The following LSS variants were observed in gnomAD, a reference collection of about 807,000 sequenced individuals.
LSS encodes the protein lanosterol synthase, also known as 2,3-epoxysqualene-lanosterol cyclase.
In LSS, 90 loss-of-function variants were observed where a neutral mutation model predicts 110.3. The ratio of observed to expected loss-of-function variants is 0.82; its 90% CI spans 0.69 to 0.97. LSS has a LOEUF of 0.97. Among genes scored for constraint, LSS ranks in the 50% least tolerant of loss-of-function variants. The pLI is 0.00. For synonymous variants in LSS, 433 were observed against 400.0 expected (o/e 1.08, Z -0.98); for missense variants, 927 against 990.0 (o/e 0.94, Z 0.85).
In LSS at chr21:46,209,451, G is replaced by A; in HGVS notation, c.1266+103C>T. On this transcript the variant is annotated intron_variant, in intron 13 of 21. Coordinates refer to ENST00000397728, the MANE Select transcript of LSS (RefSeq NM_002340.6). The surrounding 1 kb of genome is among the most constrained non-coding windows in gnomAD (Gnocchi z 4.4). Reference sequence around the variant, plus strand: ...GGGGTGACCTGAAACACCAGTGCAGGAAATAGGGCAGGGTGGAGGTGAGGT... The same window carrying A: ...GGGGTGACCTGAAACACCAGTGCAGAAAATAGGGCAGGGTGGAGGTGAGGT... 1 of 1,067,396 alleles carries A rather than the reference G, an allele frequency of 9.4e-7. No individual in the cohort carries two copies. Among genetic ancestry groups the A allele is most frequent in the East Asian group, 2.7e-5 (1 of 36,886 alleles). The allele number at this position is 1,067,396 out of a possible 1,614,324, so 66.1% of individuals were successfully genotyped here. A position where few individuals can be genotyped will look rare whatever the true frequency, so the allele number is the denominator to read the frequency against.
chr21:46,217,678 G>A (rs536851423), intron 6 of LSS, among the ~76,000 whole-genome samples: 2 of 152,278 alleles, frequency 1.3e-5, no homozygotes, highest in South Asian at 4.1e-4. Context: ...ACCCTGGCGT[G>A]CCCATGCGGC....
rs576764305 is a variant in LSS, at chr21:46,215,223, A to G, written c.968T>C (p.Ile323Thr). ...CTTGGTGAATCGGTCGTCGGCCACA[A>G]TGTGTTCATACAGCTTCTGCACGGC... is the stretch of plus-strand genomic sequence containing the variant. The part of the protein sequence containing the change: ...QRAVQKLYEH[I>T]VADDRFTKSI... The change falls in exon 9 of 22, where the codon ATT (isoleucine) becomes ACT (threonine). Residue 323 changes from isoleucine (I) to threonine (T), a missense_variant. Coordinates refer to ENST00000397728, the MANE Select transcript of LSS (RefSeq NM_002340.6). 8.7e-6 allele frequency: 14 copies of G among 1,611,286 alleles called. No individual in the cohort carries two copies. In the Admixed American group the frequency reaches 1.3e-4, roughly 15 times the overall value.
chr21:46,212,192 T>C (rs992040032), intron 11 of LSS, among the ~76,000 whole-genome samples: 1 of 152,164 alleles, frequency 6.6e-6, no homozygotes, highest in Admixed American at 6.5e-5. Flanking sequence ...TCTGGGGAGC[T>C]CAAGGCCAGC....
At chr21:46,206,519 C>G (rs1022585311) in intron 16 of LSS, among the ~76,000 whole-genome samples, 153 bp downstream of exon 16, 5 of 152,250 alleles carry the variant, frequency 3.3e-5, no homozygotes, top group African/African-American at 1.2e-4. Context: ...GAGCGCAGAA[C>G]AGCCTGGGCT....
chr21:46,195,597 A>C, intron 19 of LSS, 79 bp downstream of exon 19: 1 of 1,318,550 alleles, frequency 7.6e-7, no homozygotes, highest in Non-Finnish European at 1.1e-6. Context: ...CCCTAAAACC[A>C]AATGTCAAAG....
Position 46,189,581 on chromosome 21 carries a change from G to C in LSS, c.*1523C>G, listed in dbSNP as rs141111301. 1 of 443,370 alleles carries C rather than the reference G, an allele frequency of 2.3e-6. No homozygotes were observed. The highest frequency in any genetic ancestry group is 2.4e-5 in the Admixed American group (1 of 41,552). The allele number at this position is 443,370 out of a possible 1,614,324, so 27.5% of individuals were successfully genotyped here. On this transcript the variant is annotated 3_prime_UTR_variant, in exon 22 of 22. Transcript: ENST00000397728. ...AGACCCCAGAGGGTGCGGCACCTGG[G>C]TGAGAGCCCTGGACTGCACACCAAG...
At chr21:46,201,712 T>C (rs2079979860) in intron 17 of LSS, among the ~76,000 whole-genome samples, 1 of 152,144 alleles carries the variant, frequency 6.6e-6, no homozygotes, top group South Asian at 2.1e-4. Flanking sequence ...TAAGTCTGTC[T>C]AGTAAAATAG....
chr21:46,189,972 C>G lies in LSS; in HGVS notation c.*1132G>C, dbSNP rs1487938678. On this transcript the variant is annotated 3_prime_UTR_variant, in exon 22 of 22. Coordinates refer to ENST00000397728, the MANE Select transcript of LSS (RefSeq NM_002340.6). Reference sequence around the variant, plus strand: ...AAGCCAGACCAGACTGGGTCAGAGGCTAGAAGGGAGCTCACAGGATTGCCT... The same window carrying G: ...AAGCCAGACCAGACTGGGTCAGAGGGTAGAAGGGAGCTCACAGGATTGCCT... The G allele has an allele frequency of 3.2e-6, 1 of 316,128 alleles. No individual in the cohort carries two copies. The highest frequency in any genetic ancestry group is 1.1e-4 in the East Asian group (1 of 9,428). 19.6% of individuals were successfully genotyped at this position (316,128 alleles called of 1,614,324 possible). A position where few individuals can be genotyped will look rare whatever the true frequency, so the allele number is the denominator to read the frequency against.
intron 17 of LSS, among the ~76,000 whole-genome samples, chr21:46,199,691 T>C (rs543522977): frequency 5.3e-5 from 8 of 152,312 alleles, no homozygotes; most frequent in African/African-American, 1.2e-4. Flanking sequence ...TATTGAGCCA[T>C]AGAAAGAGAC....
chr21:46,198,855 TAG>T (rs2079944590), intron 17 of LSS, among the ~76,000 whole-genome samples: 1 of 115,974 alleles, frequency 8.6e-6, no homozygotes, highest in African/African-American at 3.2e-5. Flanking sequence ...AAAAAAAATC[TAG>T]ACACAAACCA....
At chr21:46,210,614 C>T in intron 12 of LSS, 74 bp downstream of exon 12, 1 of 1,409,156 alleles carries the variant, frequency 7.1e-7, no homozygotes, top group Non-Finnish European at 1.0e-6. Context: ...AGCAGTGCTG[C>T]CCTCAGGTGG....
Position 46,209,423 on chromosome 21 carries a change from G to T in LSS, c.1266+131C>A. 1.2e-6 allele frequency: 1 copy of T among 801,340 alleles called. No homozygotes were observed. The highest frequency in any genetic ancestry group is 2.8e-5 in the East Asian group (1 of 35,278). The allele number at this position is 801,340 out of a possible 1,614,324, so 49.6% of individuals were successfully genotyped here. A position where few individuals can be genotyped will look rare whatever the true frequency, so the allele number is the denominator to read the frequency against. ...CAGGGGCTAGGGAGGGGATGGGAGG[G>T]TGGGGGTGACCTGAAACACCAGTGC... On this transcript the variant is annotated intron_variant, in intron 13 of 21. Transcript: ENST00000397728. This position sits in a 1 kb window ranked among gnomAD's most constrained non-coding sequence, Gnocchi z 4.4.
At chr21:46,193,978 G>A (rs1312651029) in intron 20 of LSS, among the ~76,000 whole-genome samples, 1 of 152,164 alleles carries the variant, frequency 6.6e-6, no homozygotes, top group Non-Finnish European at 1.5e-5. Context: ...ATGCGTACGT[G>A]TGTGCATAGG....
intron 11 of LSS, among the ~76,000 whole-genome samples, chr21:46,211,668 G>A (rs1244038812): frequency 6.6e-6 from 1 of 152,164 alleles, no homozygotes; most frequent in Non-Finnish European, 1.5e-5. Context: ...GAGGGACAAG[G>A]CAGGGACCAC....
At position 46,188,769 on chromosome 21, in the gene LSS, G is replaced by C. The variant is rs1027371195; in HGVS notation, c.*2335C>G. ...ATACTGACACTGAAGTCCTGCCTGT[G>C]TAATAACACCGAAGAGGGCAGGGAA... On this transcript the variant is annotated 3_prime_UTR_variant, in exon 22 of 22. Coordinates refer to ENST00000397728, the MANE Select transcript of LSS (RefSeq NM_002340.6). The C allele has an allele frequency of 2.1e-6, 1 of 471,338 alleles. No individual in the cohort carries two copies. The highest frequency in any genetic ancestry group is 2.3e-5 in the Admixed American group (1 of 42,592). 29.2% of individuals were successfully genotyped at this position (471,338 alleles called of 1,614,324 possible).
intron 5 of LSS, chr21:46,221,651 T>G: frequency 1.5e-6 from 1 of 661,348 alleles, no homozygotes; most frequent in Non-Finnish European, 2.5e-6. Flanking sequence ...AGCCACTCAC[T>G]GTGCCTGGCT....
At chr21:46,222,893 G>T (rs894607056) in intron 3 of LSS, among the ~76,000 whole-genome samples, 155 bp from the exon 4 acceptor site, 1 of 152,212 alleles carries the variant, frequency 6.6e-6, no homozygotes, top group African/African-American at 2.4e-5. Flanking sequence ...GCCCCCATGG[G>T]GAACTTTGGG....
At chr21:46,224,489 C>T (rs1031229823) in intron 3 of LSS, among the ~76,000 whole-genome samples, 5 of 152,282 alleles carry the variant, frequency 3.3e-5, no homozygotes, top group African/African-American at 9.6e-5. Context: ...GGGCTGGTCC[C>T]TACACCCTGG....
chr21:46,210,031 C>T (rs1224422205), intron 12 of LSS, among the ~76,000 whole-genome samples: 3 of 151,190 alleles, frequency 2.0e-5, no homozygotes, highest in African/African-American at 7.3e-5. Context: ...CCAGTACTGG[C>T]TCGAGAATGC....
Sources: allele counts gnomAD v4.1 joint callset (sites outside exome capture counted in the v4.1 genomes callset), GRCh38; gene constraint gnomAD v4.1.1; non-coding constraint Gnocchi (gnomAD v3.1); transcripts MANE v1.5; gene names NCBI Gene and HGNC (gene_info 2026-07-23, HGNC 2026-07-21).